Variants in CETN3 observed in about 807,000 individuals in gnomAD.
CETN3 encodes centrin 3.
A neutral mutation model predicts 20.1 loss-of-function variants in CETN3; 17 were observed. The ratio of observed to expected loss-of-function variants is 0.85; its 90% CI spans 0.58 to 1.27. CETN3 has a LOEUF of 1.27. Ranked by LOEUF, CETN3 falls within the 50% of genes most tolerant of loss-of-function variation. The pLI is 0.00. For synonymous variants in CETN3, 52 were observed against 59.7 expected, an observed-to-expected ratio of 0.87 and a Z score of 0.59; for missense variants, 169 against 191.2, an observed-to-expected ratio of 0.88 and a Z score of 0.69.
At position 90,396,516 on chromosome 5, in the gene CETN3, A is replaced by G. The variant is rs200441218; in HGVS notation, c.461-2409T>C. On this transcript the variant is annotated intron_variant, in intron 4 of 4. Coordinates refer to ENST00000283122, the MANE Select transcript of CETN3 (RefSeq NM_004365.4). ...ACCTTCACTGAAGAACTCCCGATTT[A>G]GACTGAGGCATCTAGACCAAATAGG... The G allele has an allele frequency of 1.1e-3, 1,746 of 1,533,838 alleles. 3 individuals carry two copies. The highest frequency in any genetic ancestry group is 1.8e-3 in the Admixed American group (94 of 50,980).
rs778726893 is a variant in CETN3 at position 90,409,708 on chromosome 5, C to G, written c.-47G>C. On this transcript the variant is annotated 5_prime_UTR_variant, in exon 1 of 5. Transcript: ENST00000283122. The stretch of plus-strand genomic sequence containing the variant: ...TCCTCTCAAGAACGATTTTAACCCC[C>G]TACCCAAGGCAGCAAGACGCCCACA... 3.7e-6 allele frequency: 6 copies of G among 1,613,482 alleles called. No homozygotes were observed. Among genetic ancestry groups the G allele is most frequent in the Non-Finnish European group, 5.1e-6 (6 of 1,179,620 alleles).
intron 1 of CETN3, among the ~76,000 whole-genome samples, chr5:90,408,510 A>G (rs372021453): frequency 2.6e-5 from 4 of 152,226 alleles, no homozygotes; most frequent in African/African-American, 7.2e-5. Context: ...GCTTCATTCT[A>G]TATAAAAATG....
At position 90,403,706 on chromosome 5, in the gene CETN3, C is replaced by T. The variant is rs562938813; in HGVS notation, c.268+1979G>A. On this transcript the variant is annotated intron_variant, in intron 3 of 4. Transcript: ENST00000283122. ...CTAAAACGGTGAAACCCCGTCTCTA[C>T]TAAAAATACAAAAAATTAGCCGGGC... Among the ~76,000 whole-genome samples the T allele has an allele frequency of 4.6e-5, 7 of 150,550 alleles. No individual in the cohort carries two copies. In the East Asian group the frequency reaches 9.7e-4, roughly 21 times the overall value.
chr5:90,401,062 GAAAGTATTAATGTACTT>G (rs969132931), intron 3 of CETN3, among the ~76,000 whole-genome samples: 2 of 152,192 alleles, frequency 1.3e-5, no homozygotes, highest in African/African-American at 2.4e-5. Context: ...GCAGCTTGCT[GAAAGTATTAATGTACTT>G]AAAGAAGCAA....
At chr5:90,398,429 C>T (rs1040988452) in intron 4 of CETN3, among the ~76,000 whole-genome samples, 4 of 152,016 alleles carry the variant, frequency 2.6e-5, no homozygotes, top group South Asian at 2.1e-4. Context: ...ATTCATAGAG[C>T]GTTATGGGAA....
At chr5:90,404,593 T>A (rs888876922) in intron 3 of CETN3, among the ~76,000 whole-genome samples, 2 of 152,148 alleles carry the variant, frequency 1.3e-5, no homozygotes, top group Non-Finnish European at 2.9e-5. Flanking sequence ...AAGTTGAGGA[T>A]CTTCTGTGCT....
At chr5:90,404,098 TA>T (rs1749374661) in intron 3 of CETN3, among the ~76,000 whole-genome samples, 1 of 152,078 alleles carries the variant, frequency 6.6e-6, no homozygotes, top group Non-Finnish European at 1.5e-5. Context: ...GTAATAATAA[TA>T]GCAAATGCTT....
At chr5:90,396,379 C>T (rs1200852111) in intron 4 of CETN3, 5 of 1,394,442 alleles carry the variant, frequency 3.6e-6, no homozygotes, top group Non-Finnish European at 4.6e-6. Flanking sequence ...GATCTTTAAC[C>T]TTTGCAGTTA....
At chr5:90,404,567 T>C (rs2151883672) in intron 3 of CETN3, among the ~76,000 whole-genome samples, 1 of 152,288 alleles carries the variant, frequency 6.6e-6, no homozygotes, top group African/African-American at 2.4e-5. Flanking sequence ...CTCTAAACAG[T>C]CATATATTAG....
chr5:90,398,015 T>G (rs993263273), intron 4 of CETN3, among the ~76,000 whole-genome samples: 1 of 152,122 alleles, frequency 6.6e-6, no homozygotes, highest in East Asian at 1.9e-4. Flanking sequence ...TTCCTTTCAT[T>G]TTTTCCAAAA....
chr5:90,406,440 AGC>A (rs1749443737), intron 2 of CETN3, among the ~76,000 whole-genome samples: 1 of 151,668 alleles, frequency 6.6e-6, no homozygotes, highest in Admixed American at 6.6e-5. Flanking sequence ...CAATGAACAG[AGC>A]AGTTTACCTC....
chr5:90,407,862 G>A, intron 1 of CETN3, 28 bp from the exon 2 acceptor site: 1 of 1,533,302 alleles, frequency 6.5e-7, no homozygotes. Context: ...AAAGCCCTTA[G>A]TCCACTTTAA....
At chr5:90,405,892 C>A in intron 2 of CETN3, 93 bp from the exon 3 acceptor site, 1 of 743,990 alleles carries the variant, frequency 1.3e-6, no homozygotes, top group Non-Finnish European at 2.2e-6. Context: ...GATGACAACA[C>A]ATTAATAAAA....
At chr5:90,404,606 G>GT (rs1284848110) in intron 3 of CETN3, among the ~76,000 whole-genome samples, 1 of 151,790 alleles carries the variant, frequency 6.6e-6, no homozygotes, top group African/African-American at 2.4e-5. Flanking sequence ...TCTGTGCTGT[G>GT]TTTTTTTTCT....
At chr5:90,403,105 A>G (rs1213785977) in intron 3 of CETN3, among the ~76,000 whole-genome samples, 3 of 152,230 alleles carry the variant, frequency 2.0e-5, no homozygotes. Context: ...CTAAACTTAA[A>G]TTAAATATAT....
chr5:90,408,957 G>A (rs1749544196), intron 1 of CETN3, among the ~76,000 whole-genome samples: 1 of 152,012 alleles, frequency 6.6e-6, no homozygotes, highest in Non-Finnish European at 1.5e-5. Flanking sequence ...GTCCAGAACC[G>A]ACCCACCCCT....
chr5:90,393,095 A>AT lies in CETN3; in HGVS notation c.*968dup, dbSNP rs1475864441. The AT allele has an allele frequency of 1.3e-5, 2 of 152,320 alleles. No individual in the cohort carries two copies. Among genetic ancestry groups the AT allele is most frequent in the East Asian group, 3.9e-4 (2 of 5,186 alleles). 9.4% of individuals were successfully genotyped at this position (152,320 alleles called of 1,614,324 possible). ...CTATTTTTTTCTATGATCGATCTCC[A>AT]TAACCACTTGTTTCCCCCTAACATA... On this transcript the variant is annotated 3_prime_UTR_variant, in exon 5 of 5. Coordinates refer to ENST00000283122, the MANE Select transcript of CETN3 (RefSeq NM_004365.4).
At position 90,407,760 on chromosome 5, in the gene CETN3, T is replaced by C. The variant is rs1314566024; in HGVS notation, c.92A>G (p.Lys31Arg). 6.2e-7 allele frequency: 1 copy of C among 1,601,572 alleles called. No homozygotes were observed. Among genetic ancestry groups the C allele is most frequent in the South Asian group, 1.1e-5 (1 of 89,452 alleles). The stretch of plus-strand genomic sequence containing the variant: ...TGTATCAAATAGTTCAAAAGCATCT[T>C]TAATTTCTTGTTTCTGTTCCTCAGA... ...ELSEEQKQEI[K>R]DAFELFDTDK... Residue 31 changes from lysine to arginine, a missense_variant, in exon 2 of 5, where the codon AAA becomes AGA. By Grantham distance (26) the Lys-to-Arg change is conservative. Transcript: ENST00000283122.
intron 3 of CETN3, among the ~76,000 whole-genome samples, chr5:90,400,861 T>A (rs1246759585): frequency 6.6e-6 from 1 of 152,132 alleles, no homozygotes; most frequent in African/African-American, 2.4e-5. Flanking sequence ...TCAAAGCTCA[T>A]AAATATTCAG....
Sources: allele counts gnomAD v4.1 joint callset (sites outside exome capture counted in the v4.1 genomes callset), GRCh38; gene constraint gnomAD v4.1.1; transcripts MANE v1.5; gene names NCBI Gene and HGNC (gene_info 2026-07-23, HGNC 2026-07-21).